TRPM3: variants seen among roughly 807,000 people sequenced by gnomAD.
TRPM3 encodes the protein long transient receptor potential channel 3.
TRPM3 carries 77 observed loss-of-function variants against 181.2 expected under a neutral mutation model. The ratio of observed to expected loss-of-function variants is 0.42; its 90% CI spans 0.35 to 0.51. The LOEUF (loss-of-function observed/expected upper bound fraction) is 0.51, where lower values mean the gene tolerates loss of function less well. Ranked by LOEUF, TRPM3 falls within the 20% of genes least tolerant of loss-of-function variation. The pLI is 0.01. For missense variants in TRPM3, 1,759 were observed against 2,196.7 expected (o/e 0.80, Z 3.98); for synonymous variants, 745 against 796.4 (o/e 0.94, Z 1.09).
intron 1 of TRPM3, among the ~76,000 whole-genome samples, chr9:71,018,484 G>A (rs898225300): frequency 1.3e-5 from 2 of 151,588 alleles, no homozygotes; most frequent in African/African-American, 4.8e-5. Flanking sequence ...TGTAAAAATG[G>A]TCATCGTCAT....
intron 1 of TRPM3, among the ~76,000 whole-genome samples, chr9:71,133,372 G>A (rs921741289): frequency 7.6e-6 from 1 of 130,820 alleles, no homozygotes; most frequent in Admixed American, 9.2e-5. Context: ...TCTGCTCACC[G>A]CAACCTCTGC....
chr9:71,344,501 C>T (rs2091174961), intron 1 of TRPM3, among the ~76,000 whole-genome samples: 1 of 151,760 alleles, frequency 6.6e-6, no homozygotes, highest in South Asian at 2.1e-4. Flanking sequence ...ACTAAATCTA[C>T]TAGGGAAAAT....
intron 1 of TRPM3, among the ~76,000 whole-genome samples, chr9:71,324,604 A>G (rs1219657667): frequency 6.6e-6 from 1 of 152,102 alleles, no homozygotes; most frequent in Non-Finnish European, 1.5e-5. Flanking sequence ...TGACCCGGCA[A>G]TCCCAATACT....
intron 1 of TRPM3, among the ~76,000 whole-genome samples, chr9:71,070,637 AT>A (rs2062635645): frequency 1.3e-5 from 2 of 152,252 alleles, no homozygotes. Context: ...ATAAAAACGT[AT>A]TCACTTTTTT....
In TRPM3 at chr9:71,121,581, A is replaced by T; in HGVS notation, c.-227T>A. The T allele has an allele frequency of 7.6e-7, 1 of 1,319,286 alleles. No individual in the cohort carries two copies. Among genetic ancestry groups the T allele is most frequent in the Non-Finnish European group, 9.7e-7 (1 of 1,035,922 alleles). 81.7% of individuals were successfully genotyped at this position (1,319,286 alleles called of 1,614,324 possible). A position where few individuals can be genotyped will look rare whatever the true frequency, so the allele number is the denominator to read the frequency against. On this transcript the variant is annotated 5_prime_UTR_variant, in exon 1 of 26. It adds an upstream start codon to the 5' untranslated region. Transcript: ENST00000677713. ...TTGAAGAAGAGGGACAGCCTGCACA[A>T]AACAGCCTGTGGTCGGAGTCAAAGC...
At chr9:71,181,017 A>G (rs1264541599) in intron 1 of TRPM3, among the ~76,000 whole-genome samples, 1 of 152,186 alleles carries the variant, frequency 6.6e-6, no homozygotes, top group Non-Finnish European at 1.5e-5. Flanking sequence ...TTATGATAAT[A>G]TAGTCACAAG....
chr9:71,239,560 A>G (rs1437049059), intron 1 of TRPM3, among the ~76,000 whole-genome samples: 1 of 152,140 alleles, frequency 6.6e-6, no homozygotes, highest in Non-Finnish European at 1.5e-5. Flanking sequence ...GCAGACATTT[A>G]AAACAAAACC....
At chr9:71,381,382 G>A (rs951709190) in intron 1 of TRPM3, among the ~76,000 whole-genome samples, 6 of 152,066 alleles carry the variant, frequency 3.9e-5, no homozygotes, top group Non-Finnish European at 7.4e-5. Flanking sequence ...CTAGTCTAAT[G>A]GGAAATAAGA....
intron 6 of TRPM3, among the ~76,000 whole-genome samples, chr9:70,789,218 G>C (rs1270623628): frequency 6.6e-6 from 1 of 152,166 alleles, no homozygotes; most frequent in Non-Finnish European, 1.5e-5. Flanking sequence ...TGTCAAGAAT[G>C]CTACATTTTT....
At chr9:70,537,520 C>T (rs1255260596) in intron 25 of TRPM3, 115 bp from the exon 26 acceptor site, 4 of 872,640 alleles carry the variant, frequency 4.6e-6, no homozygotes, top group Non-Finnish European at 6.2e-6. Context: ...CAATGGAAGA[C>T]AGGTTACAGG....
rs778846211 is a variant in TRPM3 at position 70,536,911 on chromosome 9, A to G, written c.4202T>C (p.Ile1401Thr). ...TGATGGTCTTCTGGAATCAGGAACA[A>G]TGGCCAAGGTGTTGGCAGGGGCTGC... ...APAAPANTLAIVPDSRRPSSC... is the reference protein window; with the variant it reads ...APAAPANTLATVPDSRRPSSC... The change falls in exon 26 of 26, where the codon ATT (isoleucine) becomes ACT (threonine). Residue 1401 changes from isoleucine (I) to threonine (T), a missense_variant. Coordinates refer to ENST00000677713, the MANE Select transcript of TRPM3 (RefSeq NM_001366145.2). 4.3e-6 allele frequency: 7 copies of G among 1,614,226 alleles called. No homozygotes were observed. The highest frequency in any genetic ancestry group is 5.1e-6 in the Non-Finnish European group (6 of 1,180,042).
Position 70,850,751 on chromosome 9 carries a change from A to G in TRPM3, c.463-4160T>C, listed in dbSNP as rs187566249. On this transcript the variant is annotated intron_variant, in intron 3 of 25. Coordinates refer to ENST00000677713, the MANE Select transcript of TRPM3 (RefSeq NM_001366145.2). Reference sequence around the variant, plus strand: ...TGACTAATTCCAGAACAGATTATTTAGTAAAATAAAGTAGAACTGGGACTT... The same window carrying G: ...TGACTAATTCCAGAACAGATTATTTGGTAAAATAAAGTAGAACTGGGACTT... 1.6e-3 allele frequency among the ~76,000 whole-genome samples: 244 copies of G among 152,334 alleles called. 6 individuals carry two copies. The highest frequency in any genetic ancestry group is 3.0e-3 in the Admixed American group (46 of 15,310).
In TRPM3 at chr9:70,642,888, C is replaced by T. The variant is rs1437627710; in HGVS notation, c.1346-2228G>A. On this transcript the variant is annotated intron_variant, in intron 9 of 25. Transcript: ENST00000677713. The stretch of plus-strand genomic sequence containing the variant: ...GGGTGGAGCCTAAGGTTCTGTGTTT[C>T]TAACCAGCTCCCAGGTGAGGCCGCT... Among the ~76,000 whole-genome samples, 8 of 152,180 alleles carry T rather than the reference C, an allele frequency of 5.3e-5. 1 individual carries two copies. The highest frequency in any genetic ancestry group is 5.2e-4 in the Admixed American group (8 of 15,278).
At chr9:70,905,463 C>T (rs988759825) in intron 1 of TRPM3, among the ~76,000 whole-genome samples, 4 of 152,096 alleles carry the variant, frequency 2.6e-5, no homozygotes, top group South Asian at 4.2e-4. Flanking sequence ...TTTTACAAAC[C>T]GACTGAGGGT....
intron 1 of TRPM3, among the ~76,000 whole-genome samples, chr9:71,357,442 C>A (rs1381087420): frequency 6.6e-6 from 1 of 152,112 alleles, no homozygotes; most frequent in East Asian, 1.9e-4. Context: ...GATAAGCAGA[C>A]ACGTTTTATT....
chr9:70,856,710 G>T (rs777745129), intron 3 of TRPM3, among the ~76,000 whole-genome samples: 4 of 152,034 alleles, frequency 2.6e-5, no homozygotes, highest in Non-Finnish European at 5.9e-5. Flanking sequence ...TGAAAATGAG[G>T]GCTAGAAATA....
chr9:71,304,305 T>G (rs1334819484), intron 1 of TRPM3, among the ~76,000 whole-genome samples: 1 of 152,210 alleles, frequency 6.6e-6, no homozygotes, highest in Non-Finnish European at 1.5e-5. Flanking sequence ...AGACTATTTT[T>G]TCCAAACTAG....
At chr9:70,572,409 T>C (rs942747964) in intron 22 of TRPM3, among the ~76,000 whole-genome samples, 21 of 152,216 alleles carry the variant, frequency 1.4e-4, no homozygotes, top group Non-Finnish European at 1.2e-4. Context: ...TGTACATTAC[T>C]ATTAGCTAAA....
intron 1 of TRPM3, among the ~76,000 whole-genome samples, chr9:70,872,515 T>C (rs548228796): frequency 2.0e-5 from 3 of 152,068 alleles, no homozygotes; most frequent in Admixed American, 2.0e-4. Flanking sequence ...TCAAAGGTCT[T>C]TCTTGACCAT....
Sources: gnomAD v4.1 joint callset for allele counts (sites outside exome capture counted in the v4.1 genomes callset) on GRCh38, gnomAD v4.1.1 for gene constraint, MANE v1.5 for transcripts, NCBI Gene and HGNC (gene_info 2026-07-23, HGNC 2026-07-21) for gene names.